RHEB: variants seen among roughly 807,000 people sequenced by gnomAD.
RHEB encodes the protein GTP-binding protein Rheb.
In RHEB, 2 loss-of-function variants were observed where a neutral mutation model predicts 28.8. That is an observed-to-expected ratio of 0.07 (90% CI 0.03 to 0.22). RHEB has a LOEUF of 0.22. Among genes scored for constraint, RHEB ranks in the 10% least tolerant of loss-of-function variants. The pLI is 1.00. For synonymous variants in RHEB, 69 were observed against 77.3 expected (o/e 0.89, Z 0.56); for missense variants, 76 against 219.9 (o/e 0.35, Z 4.14).
intron 3 of RHEB, among the ~76,000 whole-genome samples, chr7:151,479,591 G>A (rs984415738): frequency 1.3e-5 from 2 of 150,934 alleles, no homozygotes; most frequent in Admixed American, 6.6e-5. Context: ...GCTGAGGCAG[G>A]AGAATGGTGT....
chr7:151,479,557 C>G (rs375169804), intron 3 of RHEB, among the ~76,000 whole-genome samples: 1 of 151,910 alleles, frequency 6.6e-6, no homozygotes, highest in Non-Finnish European at 1.5e-5. Flanking sequence ...GTGGCGGGCG[C>G]CTGTAGTCCC....
At chr7:151,492,363 C>G (rs929957456) in intron 1 of RHEB, among the ~76,000 whole-genome samples, 2 of 152,100 alleles carry the variant, frequency 1.3e-5, no homozygotes, top group African/African-American at 4.8e-5. Context: ...GCTTGTAATT[C>G]CAGCACTTTG....
chr7:151,518,862 G>A (rs1355740537), intron 1 of RHEB, among the ~76,000 whole-genome samples: 1 of 152,026 alleles, frequency 6.6e-6, no homozygotes, highest in Admixed American at 6.6e-5. Flanking sequence ...GCCTCCAGAG[G>A]GACCTCTTTT....
intron 1 of RHEB, among the ~76,000 whole-genome samples, chr7:151,494,575 T>G (rs934876957): frequency 2.6e-5 from 4 of 152,222 alleles, no homozygotes; most frequent in African/African-American, 9.6e-5. Flanking sequence ...CTAACCAAAA[T>G]CACATCGCAG....
intron 3 of RHEB, among the ~76,000 whole-genome samples, chr7:151,480,254 T>C (rs1452036547): frequency 6.6e-6 from 1 of 152,154 alleles, no homozygotes; most frequent in Non-Finnish European, 1.5e-5. Context: ...CCAGCAACAG[T>C]CTAACTGTTG....
At chr7:151,517,059 T>C (rs1373157329) in intron 1 of RHEB, among the ~76,000 whole-genome samples, 1 of 152,142 alleles carries the variant, frequency 6.6e-6, no homozygotes, top group Non-Finnish European at 1.5e-5. Context: ...TCCTGGCTCA[T>C]AATACACTTT....
chr7:151,471,174 T>C (rs1802155380), intron 6 of RHEB, among the ~76,000 whole-genome samples: 1 of 152,258 alleles, frequency 6.6e-6, no homozygotes, highest in Non-Finnish European at 1.5e-5. Flanking sequence ...TTATGCAAAG[T>C]GGCAGATAAC....
chr7:151,512,344 T>C (rs1220032618), intron 1 of RHEB, among the ~76,000 whole-genome samples: 1 of 152,212 alleles, frequency 6.6e-6, no homozygotes, highest in African/African-American at 2.4e-5. Context: ...AAAGTTGCTA[T>C]TTTTACTTGT....
intron 1 of RHEB, among the ~76,000 whole-genome samples, chr7:151,507,091 G>T (rs926638197): frequency 2.6e-5 from 4 of 152,282 alleles, no homozygotes; most frequent in African/African-American, 9.6e-5. Context: ...ACTAACAATA[G>T]AACAGACACC....
intron 7 of RHEB, among the ~76,000 whole-genome samples, chr7:151,469,917 G>GA (rs1455953474): frequency 6.6e-6 from 1 of 152,112 alleles, no homozygotes; most frequent in Non-Finnish European, 1.5e-5. Context: ...TGTATCTTTA[G>GA]AAAATTAAGG....
chr7:151,490,288 A>T (rs1218957611), intron 2 of RHEB, among the ~76,000 whole-genome samples: 1 of 152,218 alleles, frequency 6.6e-6, no homozygotes, highest in Non-Finnish European at 1.5e-5. Flanking sequence ...AAAATAAAAT[A>T]AAATAAATAA....
intron 1 of RHEB, chr7:151,502,875 A>G (rs759527361): frequency 4.6e-6 from 4 of 864,222 alleles, no homozygotes; most frequent in Non-Finnish European, 8.0e-6. Context: ...AGTCAATCTG[A>G]TATGTTTGAT....
intron 1 of RHEB, chr7:151,502,436 T>C (rs953192565): frequency 2.9e-5 from 24 of 817,046 alleles, no homozygotes; most frequent in Admixed American, 1.4e-4. Context: ...GCTCAAACTT[T>C]ATAACAAAGT....
In RHEB at chr7:151,476,569, G is replaced by A. The variant is rs1584849397; in HGVS notation, c.275+764C>T. 3.3e-5 allele frequency among the ~76,000 whole-genome samples: 5 copies of A among 152,218 alleles called. No individual in the cohort carries two copies. The South Asian group carries it at 1.0e-3, about 32-fold the overall frequency. ...GTAAAGTGGGATATAAAACATCTCT[G>A]ATGAAGGATTAAGGTAATGATGAAA... is the stretch of plus-strand genomic sequence containing the variant. On this transcript the variant is annotated intron_variant, in intron 4 of 7. Transcript: ENST00000262187.
At chr7:151,499,195 A>G (rs1256814534) in intron 1 of RHEB, among the ~76,000 whole-genome samples, 2 of 152,184 alleles carry the variant, frequency 1.3e-5, no homozygotes, top group Non-Finnish European at 2.9e-5. Flanking sequence ...AGTCTCTACT[A>G]AAAATACAAA....
chr7:151,477,200 C>A (rs2074997), intron 4 of RHEB, 133 bp downstream of exon 4: 318,060 of 656,274 alleles, frequency 0.48, 79,702 homozygotes, highest in South Asian at 0.59. Flanking sequence ...AGTTGCTCCA[C>A]GAGAAAATCA....
chr7:151,508,637 T>TG (rs1431674587), intron 1 of RHEB, among the ~76,000 whole-genome samples: 3 of 151,518 alleles, frequency 2.0e-5, no homozygotes, highest in African/African-American at 7.3e-5. Flanking sequence ...ATTTTTAGTT[T>TG]TTTTTTTTTT....
chr7:151,507,703 A>G (rs1802912236), intron 1 of RHEB, among the ~76,000 whole-genome samples: 1 of 152,228 alleles, frequency 6.6e-6, no homozygotes, highest in Non-Finnish European at 1.5e-5. Flanking sequence ...AGAAAAAATT[A>G]AACTGCAATT....
rs374716054 is a variant in RHEB at position 151,485,441 on chromosome 7, G to C, written c.125-637C>G. ...GTCAATTCAGAATTAGAGGGAGACA[G>C]ACTTCAAACAAATATAGACAAAAGA... On this transcript the variant is annotated intron_variant, in intron 2 of 7. Transcript: ENST00000262187. Among the ~76,000 whole-genome samples the C allele has an allele frequency of 5.9e-5, 9 of 152,168 alleles. No homozygotes were observed. The South Asian group carries it at 1.9e-3, about 31-fold the overall frequency.
Sources: gnomAD v4.1 joint callset for allele counts (sites outside exome capture counted in the v4.1 genomes callset) on GRCh38, gnomAD v4.1.1 for gene constraint, MANE v1.5 for transcripts, NCBI Gene and HGNC (gene_info 2026-07-23, HGNC 2026-07-21) for gene names.